The following SLX9 variants were observed in gnomAD, a reference collection of about 807,000 sequenced individuals.
The protein encoded by SLX9 is ribosome biogenesis protein SLX9 homolog.
Under a neutral mutation model 20.8 loss-of-function variants are expected in SLX9, and 19 were observed. The observed-to-expected ratio is 0.91, with a 90% CI of 0.64 to 1.34. The LOEUF is 1.34. Ranked by LOEUF, SLX9 falls within the 40% of genes most tolerant of loss-of-function variation. SLX9 has a pLI of 0.00. For missense variants in SLX9, 299 were observed against 322.2 expected (o/e 0.93, Z 0.55); for synonymous variants, 113 against 137.1 (o/e 0.82, Z 1.23).
rs2084832683 is a variant in SLX9, at chr21:44,955,205, C to G, written c.284-4895C>G. Among the ~76,000 whole-genome samples the G allele has an allele frequency of 8.9e-5, 4 of 44,712 alleles. No homozygotes were observed. In the Admixed American group the frequency reaches 1.0e-3, roughly 11 times the overall value. The allele number at this position is 44,712 out of a possible 152,430, so 29.3% of individuals were successfully genotyped here. On this transcript the variant is annotated intron_variant, in intron 2 of 5. Transcript: ENST00000291634. ...CCTGGGCGACAGAGTGGGACTTTGT[C>G]TCAAAAAAAAAAAAAAAGAAGTAAG...
At chr21:44,962,695 T>C (rs1014478648) in intron 3 of SLX9, among the ~76,000 whole-genome samples, 3 of 152,190 alleles carry the variant, frequency 2.0e-5, no homozygotes, top group African/African-American at 7.2e-5. Context: ...AGGAATGGAA[T>C]GCTGGGTCAT....
intron 2 of SLX9, among the ~76,000 whole-genome samples, chr21:44,950,912 A>G (rs1485479917): frequency 6.6e-6 from 1 of 152,144 alleles, no homozygotes; most frequent in South Asian, 2.1e-4. Context: ...AACTTTGAGC[A>G]CAGAGACTGG....
chr21:44,953,548 C>T lies in SLX9; in HGVS notation c.284-6552C>T, dbSNP rs557591732. On this transcript the variant is annotated intron_variant, in intron 2 of 5. Transcript: ENST00000291634. ...TCGGGAGCCTGTCCTGCACCATCCC[C>T]GGCGGTGGGGCCCTGCATCCGGGCC... Among the ~76,000 whole-genome samples the T allele has an allele frequency of 1.4e-4, 21 of 151,526 alleles. No homozygotes were observed. The East Asian group carries it at 2.7e-3, about 20-fold the overall frequency.
intron 2 of SLX9, among the ~76,000 whole-genome samples, chr21:44,954,037 A>G (rs1414825584): frequency 1.3e-5 from 2 of 152,048 alleles, no homozygotes; most frequent in African/African-American, 2.4e-5. Context: ...CTCACAGGAC[A>G]GCAAGAAGCC....
chr21:44,959,115 C>G (rs2084909793), intron 2 of SLX9: 1 of 688,170 alleles, frequency 1.5e-6, no homozygotes, highest in Admixed American at 6.3e-5. Flanking sequence ...CTGCGGGAGC[C>G]CTGGGCCTTG....
intron 4 of SLX9, among the ~76,000 whole-genome samples, chr21:44,970,087 T>G (rs2123452424): frequency 6.6e-6 from 1 of 152,084 alleles, no homozygotes; most frequent in East Asian, 1.9e-4. Flanking sequence ...AGCTGGCCCC[T>G]GCTGGGTTGA....
intron 2 of SLX9, among the ~76,000 whole-genome samples, chr21:44,947,214 A>T (rs554026706): frequency 2.6e-4 from 39 of 152,242 alleles, no homozygotes; most frequent in African/African-American, 9.4e-4. Context: ...TGTCATGCAG[A>T]TACTGCATCC....
chr21:44,944,234 T>C (rs1601370294), intron 2 of SLX9, among the ~76,000 whole-genome samples: 1 of 152,248 alleles, frequency 6.6e-6, no homozygotes, highest in African/African-American at 2.4e-5. Context: ...CTGCTTATCA[T>C]TTTGTACAAA....
intron 2 of SLX9, among the ~76,000 whole-genome samples, chr21:44,952,539 A>G (rs2146630581): frequency 6.6e-6 from 1 of 152,332 alleles, no homozygotes; most frequent in Non-Finnish European, 1.5e-5. Context: ...CAGCTGCTTC[A>G]GGACCGCCCT....
intron 2 of SLX9, among the ~76,000 whole-genome samples, chr21:44,955,218 A>AAT (rs2084833535): frequency 6.6e-6 from 1 of 150,606 alleles, no homozygotes; most frequent in South Asian, 2.1e-4. Flanking sequence ...AAAAAAAAAA[A>AAT]AAAAGAAGTA....
intron 2 of SLX9, among the ~76,000 whole-genome samples, chr21:44,946,237 G>A (rs925360718): frequency 6.6e-6 from 1 of 150,630 alleles, no homozygotes; most frequent in African/African-American, 2.5e-5. Context: ...AGTCTGTTGG[G>A]TAATTAATTT....
chr21:44,963,127 T>G (rs2084974050), intron 3 of SLX9, among the ~76,000 whole-genome samples: 1 of 151,384 alleles, frequency 6.6e-6, no homozygotes, highest in Admixed American at 6.6e-5. Flanking sequence ...TCTTGCTCTG[T>G]CGCCAGGCTG....
intron 2 of SLX9, among the ~76,000 whole-genome samples, chr21:44,948,648 G>A (rs367782084): frequency 2.4e-4 from 36 of 152,328 alleles, no homozygotes; most frequent in Middle Eastern, 6.8e-3. Context: ...TGGAGAGGGA[G>A]CTCACAGCAT....
At chr21:44,948,602 T>A (rs2084694255) in intron 2 of SLX9, among the ~76,000 whole-genome samples, 1 of 152,044 alleles carries the variant, frequency 6.6e-6, no homozygotes, top group South Asian at 2.1e-4. Context: ...TGGGGGCCCC[T>A]GGAGCAGAGG....
chr21:44,968,944 G>A (rs1307550096), intron 4 of SLX9, among the ~76,000 whole-genome samples: 4 of 152,104 alleles, frequency 2.6e-5, no homozygotes, highest in South Asian at 2.1e-4. Flanking sequence ...TAGCGGAGAC[G>A]GGGTTTCACC....
Position 44,976,750 on chromosome 21 carries a change from A to T in SLX9, c.640A>T (p.Ile214Phe). 6.4e-7 allele frequency: 1 copy of T among 1,561,256 alleles called. No individual in the cohort carries two copies. The highest frequency in any genetic ancestry group is 8.7e-7 in the Non-Finnish European group (1 of 1,153,994). Residue 214 changes from isoleucine to phenylalanine, a missense_variant, in exon 6 of 6, where the codon ATC becomes TTC. Coordinates refer to ENST00000291634, the MANE Select transcript of SLX9 (RefSeq NM_058190.4). Reference protein sequence around the residue: ...PAYRASPLVAIGQTLARQMQL... With the variant: ...PAYRASPLVAFGQTLARQMQL... ...CTACAGAGCCAGCCCCCTGGTGGCC[A>T]TCGGGCAGACGCTGGCCCGGCAGAT... is the stretch of plus-strand genomic sequence containing the variant.
chr21:44,951,492 CG>C (rs1462460177), intron 2 of SLX9, among the ~76,000 whole-genome samples: 2 of 152,164 alleles, frequency 1.3e-5, no homozygotes, highest in Non-Finnish European at 2.9e-5. Context: ...CTTTGCCCAC[CG>C]TGCCTCACTC....
intron 2 of SLX9, among the ~76,000 whole-genome samples, chr21:44,950,025 C>T (rs1348887340): frequency 1.3e-5 from 2 of 152,146 alleles, no homozygotes; most frequent in Non-Finnish European, 2.9e-5. Flanking sequence ...TCCTGCCTTG[C>T]ACAGCGGAGA....
At chr21:44,947,826 C>T (rs796487767) in intron 2 of SLX9, among the ~76,000 whole-genome samples, 1 of 152,208 alleles carries the variant, frequency 6.6e-6, no homozygotes, top group Non-Finnish European at 1.5e-5. Context: ...CTCTCTAAGA[C>T]CCCCTGCACC....
Sources: gnomAD v4.1 joint callset for allele counts (sites outside exome capture counted in the v4.1 genomes callset) on GRCh38, gnomAD v4.1.1 for gene constraint, MANE v1.5 for transcripts, NCBI Gene and HGNC (gene_info 2026-07-23, HGNC 2026-07-21) for gene names.